KIF2A: variants seen among roughly 807,000 people sequenced by gnomAD.
KIF2A encodes the protein kinesin family member 2A.
KIF2A carries 22 observed loss-of-function variants against 100.2 expected under a neutral mutation model. The ratio of observed to expected loss-of-function variants is 0.22; its 90% CI spans 0.16 to 0.31. The LOEUF (loss-of-function observed/expected upper bound fraction) is 0.31. Ranked by LOEUF, KIF2A falls within the 10% of genes least tolerant of loss-of-function variation. The pLI, the probability that KIF2A is intolerant of heterozygous loss-of-function variation, is 1.00. For missense variants in KIF2A, 495 were observed against 898.7 expected, an observed-to-expected ratio of 0.55 and a Z score of 5.74; for synonymous variants, 268 against 285.9, an observed-to-expected ratio of 0.94 and a Z score of 0.63.
Position 62,389,121 on chromosome 5 carries a change from T to C in KIF2A, c.*3552T>C. On this transcript the variant is annotated 3_prime_UTR_variant, in exon 21 of 21. Coordinates refer to ENST00000407818, the MANE Select transcript of KIF2A (RefSeq NM_001098511.3). ...TGTAGCACATAACGGTATATAGTTCTATACCATTAATACTAAAACATGAAT... is the reference window on the plus strand; with the variant it reads ...TGTAGCACATAACGGTATATAGTTCCATACCATTAATACTAAAACATGAAT... The C allele has an allele frequency of 2.2e-6, 3 of 1,334,370 alleles. No individual in the cohort carries two copies. In the South Asian group the frequency reaches 3.8e-5, roughly 17 times the overall value. The allele number at this position is 1,334,370 out of a possible 1,614,324, so 82.7% of individuals were successfully genotyped here.
rs188753370 is a variant in KIF2A at position 62,352,470 on chromosome 5, G to C, written c.335-118G>C. ...TTTACATACATAAATAGAAAACCTGGCAACTTACTAATGTAACTTTTAAGT... is the reference window on the plus strand; with the variant it reads ...TTTACATACATAAATAGAAAACCTGCCAACTTACTAATGTAACTTTTAAGT... On this transcript the variant is annotated intron_variant, in intron 4 of 20. Coordinates refer to ENST00000407818, the MANE Select transcript of KIF2A (RefSeq NM_001098511.3). 73 of 592,906 alleles carry C rather than the reference G, an allele frequency of 1.2e-4. No homozygotes were observed. In the East Asian group the frequency reaches 1.3e-3, roughly 11 times the overall value. 36.7% of individuals were successfully genotyped at this position (592,906 alleles called of 1,614,324 possible).
chr5:62,307,898 G>A (rs1579989366), intron 1 of KIF2A, among the ~76,000 whole-genome samples: 3 of 152,246 alleles, frequency 2.0e-5, no homozygotes, highest in East Asian at 1.9e-4. Flanking sequence ...GATTACAGGC[G>A]TGAGCCATCG....
At chr5:62,364,116 G>C (rs1211658680) in intron 14 of KIF2A, among the ~76,000 whole-genome samples, 1 of 151,254 alleles carries the variant, frequency 6.6e-6, no homozygotes, top group Non-Finnish European at 1.5e-5. Context: ...TGAGTTAGTA[G>C]GTCAGTTCTG....
chr5:62,374,146 G>T (rs1420427188), intron 18 of KIF2A, among the ~76,000 whole-genome samples: 1 of 152,134 alleles, frequency 6.6e-6, no homozygotes, highest in African/African-American at 2.4e-5. Flanking sequence ...CAGGAATTCT[G>T]GGCTGTAGTG....
At chr5:62,383,260 T>G (rs1384905105) in intron 20 of KIF2A, among the ~76,000 whole-genome samples, 10 of 83,970 alleles carry the variant, frequency 1.2e-4, no homozygotes, top group Non-Finnish European at 2.3e-4. Context: ...TTTTTTTTTT[T>G]GAGATGGAGT....
In KIF2A at chr5:62,306,252, A is replaced by G. The variant is rs1413128026; in HGVS notation, c.-221A>G. ...CGGCCCCGGCCCTAGCTTCACCCCG[A>G]CTACCCGGCGTGCGCGTCCTCCTGC... On this transcript the variant is annotated 5_prime_UTR_variant, in exon 1 of 21. Coordinates refer to ENST00000407818, the MANE Select transcript of KIF2A (RefSeq NM_001098511.3). 1 of 516,598 alleles carries G rather than the reference A, an allele frequency of 1.9e-6. No homozygotes were observed. The highest frequency in any genetic ancestry group is 3.4e-6 in the Non-Finnish European group (1 of 293,996). 32.0% of individuals were successfully genotyped at this position (516,598 alleles called of 1,614,324 possible).
intron 18 of KIF2A, among the ~76,000 whole-genome samples, chr5:62,374,644 T>TAA (rs1741464773): frequency 6.6e-6 from 1 of 152,124 alleles, no homozygotes; most frequent in African/African-American, 2.4e-5. Flanking sequence ...ATAAATATTA[T>TAA]AAAGCTTAAA....
At chr5:62,368,700 C>G (rs1158774551) in intron 16 of KIF2A, among the ~76,000 whole-genome samples, 2 of 151,854 alleles carry the variant, frequency 1.3e-5, no homozygotes, top group Admixed American at 1.3e-4. Context: ...TTGCTTGAAC[C>G]TGGAATGTTG....
In KIF2A at chr5:62,385,814, A is replaced by G; in HGVS notation, c.*245A>G. Reference sequence around the variant, plus strand: ...GTTTCATTTACACAAATAGTGATTTACTTTTGGAGATCCTTGTCAGTTTTA... The same window carrying G: ...GTTTCATTTACACAAATAGTGATTTGCTTTTGGAGATCCTTGTCAGTTTTA... On this transcript the variant is annotated 3_prime_UTR_variant, in exon 21 of 21. Transcript: ENST00000407818. The G allele has an allele frequency of 2.2e-6, 1 of 463,570 alleles. No individual in the cohort carries two copies. Among genetic ancestry groups the G allele is most frequent in the South Asian group, 3.3e-5 (1 of 30,382 alleles). 28.7% of individuals were successfully genotyped at this position (463,570 alleles called of 1,614,324 possible).
chr5:62,340,770 T>C (rs1205365711), intron 1 of KIF2A, among the ~76,000 whole-genome samples: 4 of 152,258 alleles, frequency 2.6e-5, no homozygotes, highest in East Asian at 1.9e-4. Context: ...AAATAAATCA[T>C]TGGATGTCTT....
At chr5:62,373,364 A>G (rs1741399706) in intron 17 of KIF2A, among the ~76,000 whole-genome samples, 1 of 151,954 alleles carries the variant, frequency 6.6e-6, no homozygotes, top group Admixed American at 6.5e-5. Flanking sequence ...AGTAGTAAAT[A>G]AAATGGAAAA....
intron 1 of KIF2A, among the ~76,000 whole-genome samples, chr5:62,335,052 A>G (rs264524): frequency 0.81 from 123,290 of 152,106 alleles, 50,171 homozygotes; most frequent in Middle Eastern, 0.89. Context: ...AAGGTGAGGG[A>G]CCAGTGGCTG....
chr5:62,324,967 TTCCA>T, intron 1 of KIF2A, among the ~76,000 whole-genome samples: 1 of 152,144 alleles, frequency 6.6e-6, no homozygotes, highest in South Asian at 2.1e-4. Context: ...AAGGTCTCAT[TTCCA>T]GAATCTATAA....
At position 62,325,531 on chromosome 5, in the gene KIF2A, A is replaced by G. The variant is rs575164467; in HGVS notation, c.64+18995A>G. On this transcript the variant is annotated intron_variant, in intron 1 of 20. Transcript: ENST00000407818. ...GAAGACATACATGTGGCCAACAGGT[A>G]TATGAAAAAATGCTCAACATCACTA... Among the ~76,000 whole-genome samples the G allele has an allele frequency of 1.5e-3, 222 of 152,346 alleles. 2 individuals carry two copies. The highest frequency in any genetic ancestry group is 5.3e-3 in the African/African-American group (219 of 41,574).
intron 1 of KIF2A, among the ~76,000 whole-genome samples, chr5:62,335,677 C>G (rs1746907729): frequency 6.6e-6 from 1 of 152,116 alleles, no homozygotes; most frequent in Non-Finnish European, 1.5e-5. Flanking sequence ...CTCCTCCTCA[C>G]CACCTTTTCA....
At position 62,385,624 on chromosome 5, in the gene KIF2A, G is replaced by A. The variant is rs1389835595; in HGVS notation, c.*55G>A. On this transcript the variant is annotated 3_prime_UTR_variant, in exon 21 of 21. Coordinates refer to ENST00000407818, the MANE Select transcript of KIF2A (RefSeq NM_001098511.3). ...AACCCTCACTACTGTAACATACAAC[G>A]GTTCAGCTGTAAGGGCCATTTGAAA... 1.3e-5 allele frequency: 17 copies of A among 1,260,506 alleles called. No homozygotes were observed. The highest frequency in any genetic ancestry group is 7.6e-5 in the East Asian group (3 of 39,594). The allele number at this position is 1,260,506 out of a possible 1,614,324, so 78.1% of individuals were successfully genotyped here. A position where few individuals can be genotyped will look rare whatever the true frequency, so the allele number is the denominator to read the frequency against.
chr5:62,326,418 C>T (rs1300836327), intron 1 of KIF2A, among the ~76,000 whole-genome samples: 1 of 152,140 alleles, frequency 6.6e-6, no homozygotes, highest in Non-Finnish European at 1.5e-5. Context: ...TGTCATTTCA[C>T]CACCAAGAAA....
intron 16 of KIF2A, among the ~76,000 whole-genome samples, chr5:62,368,165 G>GT (rs1484487726): frequency 6.6e-6 from 1 of 151,982 alleles, no homozygotes; most frequent in Non-Finnish European, 1.5e-5. Flanking sequence ...GGTTCCCCAT[G>GT]TGCTCCTTCC....
chr5:62,376,457 T>C (rs1477184067), intron 18 of KIF2A, among the ~76,000 whole-genome samples: 1 of 152,092 alleles, frequency 6.6e-6, no homozygotes, highest in Non-Finnish European at 1.5e-5. Flanking sequence ...TCTTGCTCTG[T>C]CACCCAGGCT....
Sources: allele counts gnomAD v4.1 joint callset (sites outside exome capture counted in the v4.1 genomes callset), GRCh38; gene constraint gnomAD v4.1.1; transcripts MANE v1.5; gene names NCBI Gene and HGNC (gene_info 2026-07-23, HGNC 2026-07-21).